The following SORCS3 variants were observed in gnomAD, a reference collection of about 807,000 sequenced individuals.
The protein encoded by SORCS3 is sortilin related VPS10 domain containing receptor 3, also known as VPS10 domain-containing receptor SorCS3.
A neutral mutation model predicts 146.3 loss-of-function variants in SORCS3; 57 were observed. That is an observed-to-expected ratio of 0.39 (90% CI 0.31 to 0.49). SORCS3 has a LOEUF of 0.49. Ranked by LOEUF, SORCS3 falls within the 20% of genes least tolerant of loss-of-function variation. SORCS3 has a pLI of 0.92. For synonymous variants in SORCS3, 653 were observed against 618.5 expected (o/e 1.06, Z -0.83); for missense variants, 1,341 against 1,575.5 (o/e 0.85, Z 2.52).
chr10:105,254,916 C>T (rs1281749055), intron 23 of SORCS3, among the ~76,000 whole-genome samples: 3 of 152,010 alleles, frequency 2.0e-5, no homozygotes, highest in Non-Finnish European at 4.4e-5. Flanking sequence ...CGGCCAGGCG[C>T]GGTGGCTCAC....
chr10:104,757,409 G>A (rs1326393048), intron 1 of SORCS3, among the ~76,000 whole-genome samples: 3 of 152,204 alleles, frequency 2.0e-5, no homozygotes, highest in Non-Finnish European at 4.4e-5. Flanking sequence ...CATTTGCAAA[G>A]CTCTCCAATG....
rs760133370 is a variant in SORCS3, at chr10:105,217,141, C to T, written c.2734+19C>T. The T allele has an allele frequency of 6.2e-7, 1 of 1,611,320 alleles. No individual in the cohort carries two copies. The highest frequency in any genetic ancestry group is 1.3e-5 in the African/African-American group (1 of 74,878). ...GTGGTTTGTAAGTAGGAGGCACCAT[C>T]CCCGTTTTCCCTTTGTTCCCAGTTG... On this transcript the variant is annotated intron_variant, in intron 19 of 26. Transcript: ENST00000369701.
chr10:104,760,696 G>A (rs1284454999), intron 1 of SORCS3, among the ~76,000 whole-genome samples: 4 of 152,194 alleles, frequency 2.6e-5, no homozygotes, highest in African/African-American at 9.7e-5. Context: ...ATGAGAGGCA[G>A]ACACTGTGAT....
At chr10:105,059,610 A>G (rs1293372820) in intron 5 of SORCS3, among the ~76,000 whole-genome samples, 1 of 152,170 alleles carries the variant, frequency 6.6e-6, no homozygotes, top group African/African-American at 2.4e-5. Context: ...TCTCTAAGGT[A>G]ATAAATTATG....
At chr10:105,128,480 G>T (rs1562966) in intron 7 of SORCS3, among the ~76,000 whole-genome samples, 73,637 of 151,932 alleles carry the variant, frequency 0.48, 18,390 homozygotes, top group Non-Finnish European at 0.55. Context: ...TCTAGAAAAT[G>T]AATGATTTTG....
chr10:104,997,903 C>T (rs2055036992), intron 4 of SORCS3, among the ~76,000 whole-genome samples: 2 of 152,088 alleles, frequency 1.3e-5, no homozygotes, highest in African/African-American at 4.8e-5. Context: ...AACTGTTAAT[C>T]ACATATGGTG....
chr10:104,738,020 T>G (rs373999186), intron 1 of SORCS3, among the ~76,000 whole-genome samples: 52 of 152,102 alleles, frequency 3.4e-4, no homozygotes, highest in Non-Finnish European at 6.5e-4. Flanking sequence ...CAGCACCATT[T>G]ATTAAATAGG....
chr10:104,707,429 G>A (rs1320898976), intron 1 of SORCS3, among the ~76,000 whole-genome samples: 2 of 152,116 alleles, frequency 1.3e-5, no homozygotes, highest in African/African-American at 4.8e-5. Context: ...GGCACTTTTT[G>A]GTAGTAATTG....
At chr10:104,688,503 G>A (rs1157861940) in intron 1 of SORCS3, among the ~76,000 whole-genome samples, 2 of 152,224 alleles carry the variant, frequency 1.3e-5, no homozygotes. Context: ...GATACGTGCA[G>A]GAGTGCAGCG....
intron 1 of SORCS3, among the ~76,000 whole-genome samples, chr10:104,782,427 T>A (rs977205424): frequency 2.0e-5 from 3 of 152,258 alleles, no homozygotes; most frequent in African/African-American, 7.2e-5. Flanking sequence ...TCCCTGAGCA[T>A]CCTGTCACTG....
intron 5 of SORCS3, among the ~76,000 whole-genome samples, chr10:105,076,163 G>C (rs2055587550): frequency 6.6e-6 from 1 of 152,120 alleles, no homozygotes; most frequent in African/African-American, 2.4e-5. Flanking sequence ...TCAATTTGAA[G>C]GTTCAGAGAG....
chr10:104,759,567 T>C (rs181710716), intron 1 of SORCS3, among the ~76,000 whole-genome samples: 73 of 152,286 alleles, frequency 4.8e-4, no homozygotes, highest in Admixed American at 2.3e-3. Context: ...TTTCAGCATA[T>C]TGATTATATG....
chr10:105,045,417 G>A (rs1381147085), intron 5 of SORCS3, among the ~76,000 whole-genome samples: 1 of 152,006 alleles, frequency 6.6e-6, no homozygotes, highest in Admixed American at 6.6e-5. Flanking sequence ...TGGTAGTTTT[G>A]AATATTCAAT....
chr10:105,019,284 A>G (rs1327523116), intron 4 of SORCS3, among the ~76,000 whole-genome samples: 1 of 152,166 alleles, frequency 6.6e-6, no homozygotes, highest in African/African-American at 2.4e-5. Context: ...TCATTAAATC[A>G]GTTTGTGCTA....
intron 20 of SORCS3, among the ~76,000 whole-genome samples, chr10:105,228,341 CCTTT>C (rs1032232307): frequency 1.7e-4 from 26 of 151,764 alleles, no homozygotes; most frequent in African/African-American, 6.3e-4. Context: ...CTCCATCCCT[CCTTT>C]CTTTCTTTCC....
chr10:104,884,786 A>G (rs907819167), intron 2 of SORCS3, among the ~76,000 whole-genome samples: 1 of 152,134 alleles, frequency 6.6e-6, no homozygotes, highest in African/African-American at 2.4e-5. Flanking sequence ...ATTTGGGTAG[A>G]AAAGCAGGTA....
intron 1 of SORCS3, among the ~76,000 whole-genome samples, chr10:104,714,544 T>A (rs921854443): frequency 2.6e-5 from 4 of 152,214 alleles, no homozygotes; most frequent in African/African-American, 9.6e-5. Context: ...TTTCCAAATA[T>A]TTGGGAATTT....
intron 3 of SORCS3, among the ~76,000 whole-genome samples, chr10:104,954,847 A>G (rs1453827335): frequency 6.6e-6 from 1 of 152,140 alleles, no homozygotes; most frequent in East Asian, 1.9e-4. Context: ...GCTAGGTGGG[A>G]GTTAGTTTTG....
chr10:105,255,137 C>G (rs2056923337), intron 23 of SORCS3, among the ~76,000 whole-genome samples: 1 of 140,030 alleles, frequency 7.1e-6, no homozygotes, highest in East Asian at 2.1e-4. Context: ...TGCGGTGAGC[C>G]GAGATCGCGC....
Sources: gnomAD v4.1 joint callset for allele counts (sites outside exome capture counted in the v4.1 genomes callset) on GRCh38, gnomAD v4.1.1 for gene constraint, MANE v1.5 for transcripts, NCBI Gene and HGNC (gene_info 2026-07-23, HGNC 2026-07-21) for gene names.